The following ARID1B variants were observed in gnomAD, a reference collection of about 807,000 sequenced individuals.
The protein encoded by ARID1B is AT-rich interactive domain-containing protein 1B.
A neutral mutation model predicts 212.3 loss-of-function variants in ARID1B; 30 were observed. The ratio of observed to expected loss-of-function variants is 0.14; its 90% CI spans 0.11 to 0.19. ARID1B has a LOEUF of 0.19. Ranked by LOEUF, ARID1B falls within the 10% of genes least tolerant of loss-of-function variation. The pLI, the probability that ARID1B is intolerant of heterozygous loss-of-function variation, is 1.00. For missense variants in ARID1B, 2,891 were observed against 3,204.0 expected, an observed-to-expected ratio of 0.90 and a Z score of 2.36; for synonymous variants, 1,402 against 1,301.7, an observed-to-expected ratio of 1.08 and a Z score of -1.66.
chr6:157,205,951 A>T, intron 19 of ARID1B: 3 of 592,206 alleles, frequency 5.1e-6, no homozygotes, highest in Non-Finnish European at 9.0e-6. Context: ...AATAAGGAAC[A>T]TGCTAAACAT....
At chr6:157,077,340 CT>C (rs557514655) in intron 4 of ARID1B, among the ~76,000 whole-genome samples, 325 of 152,220 alleles carry the variant, frequency 2.1e-3, no homozygotes, top group African/African-American at 7.0e-3. Flanking sequence ...AATATTAAGA[CT>C]CACTTTCTGG....
chr6:157,145,982 G>T (rs1789695498), intron 7 of ARID1B, among the ~76,000 whole-genome samples: 2 of 152,108 alleles, frequency 1.3e-5, no homozygotes, highest in Admixed American at 6.5e-5. Context: ...TCCTACCTCT[G>T]CTGGAAATCC....
intron 2 of ARID1B, chr6:156,871,711 T>G: frequency 1.3e-6 from 2 of 1,569,806 alleles, no homozygotes; most frequent in Non-Finnish European, 1.7e-6. Context: ...CATATGACAG[T>G]GGGGGCAGCT....
intron 3 of ARID1B, among the ~76,000 whole-genome samples, chr6:156,923,505 A>G (rs960269568): frequency 6.6e-6 from 1 of 152,090 alleles, no homozygotes; most frequent in African/African-American, 2.4e-5. Context: ...TTGGCAGGTT[A>G]CTCAACCTAA....
chr6:156,884,022 G>A (rs1787312820), intron 2 of ARID1B, among the ~76,000 whole-genome samples: 1 of 152,086 alleles, frequency 6.6e-6, no homozygotes, highest in Non-Finnish European at 1.5e-5. Flanking sequence ...AAAAAATATC[G>A]TGCCCTAATG....
chr6:157,004,515 A>G (rs145767554), intron 4 of ARID1B, among the ~76,000 whole-genome samples: 4 of 152,360 alleles, frequency 2.6e-5, no homozygotes, highest in South Asian at 2.1e-4. Flanking sequence ...CACTGGGGCC[A>G]TGGAAGGAGA....
At chr6:157,188,304 G>A (rs897848772) in intron 13 of ARID1B, among the ~76,000 whole-genome samples, 1 of 152,172 alleles carries the variant, frequency 6.6e-6, no homozygotes, top group Non-Finnish European at 1.5e-5. Context: ...TCACAGGGAC[G>A]GATGTTACGC....
chr6:157,042,357 A>T (rs927672551), intron 4 of ARID1B, among the ~76,000 whole-genome samples: 8 of 152,194 alleles, frequency 5.3e-5, no homozygotes, highest in Non-Finnish European at 1.2e-4. Flanking sequence ...TTACCAGTGT[A>T]TTCATTTGCT....
rs777034078 is a variant in ARID1B, at chr6:157,190,268, G to A, written c.4231+58G>A. 2.0e-5 allele frequency: 31 copies of A among 1,529,690 alleles called. No individual in the cohort carries two copies. Among genetic ancestry groups the A allele is most frequent in the African/African-American group, 5.5e-5 (4 of 72,476 alleles). 94.8% of individuals were successfully genotyped at this position (1,529,690 alleles called of 1,614,324 possible). On this transcript the variant is annotated intron_variant, in intron 15 of 19. Transcript: ENST00000636930. The surrounding 1 kb of genome is among the most constrained non-coding windows in gnomAD (Gnocchi z 4.6). ...ACCAGTGGGCATTCTACTCTCTGCC[G>A]TTCCACAACAGTTCACCTTTCACTC...
rs528056635 is a variant in ARID1B at position 156,916,945 on chromosome 6, C to A, written c.2136+15420C>A. On this transcript the variant is annotated intron_variant, in intron 3 of 19. Transcript: ENST00000636930. ...TCAAAGAGAGTTGCCTGGCCGCAGA[C>A]AGGGGGCTGTCTGTCAGTACCCTTT... Among the ~76,000 whole-genome samples the A allele has an allele frequency of 2.8e-4, 42 of 152,282 alleles. No homozygotes were observed. In the South Asian group the frequency reaches 8.1e-3, roughly 29 times the overall value.
intron 7 of ARID1B, among the ~76,000 whole-genome samples, chr6:157,147,394 A>G (rs1293651716): frequency 6.2e-5 from 1 of 16,096 alleles, no homozygotes; most frequent in Non-Finnish European, 9.4e-5. Context: ...CCCGCCTCCG[A>G]CCCTGCCATC....
At chr6:156,855,624 C>T (rs1490654158) in intron 2 of ARID1B, among the ~76,000 whole-genome samples, 1 of 152,150 alleles carries the variant, frequency 6.6e-6, no homozygotes, top group African/African-American at 2.4e-5. Context: ...AATAAGTTAG[C>T]TATATGAAAA....
At chr6:157,122,283 C>T (rs1266028449) in intron 6 of ARID1B, among the ~76,000 whole-genome samples, 2 of 152,120 alleles carry the variant, frequency 1.3e-5, no homozygotes, top group African/African-American at 2.4e-5. Context: ...TGCCATGTAA[C>T]AAGAATGGAT....
intron 5 of ARID1B, among the ~76,000 whole-genome samples, chr6:157,085,185 C>T (rs1004334721): frequency 2.0e-5 from 3 of 152,200 alleles, no homozygotes; most frequent in African/African-American, 7.2e-5. Flanking sequence ...ATCCTCTTAG[C>T]ATATGTTTTG....
At chr6:156,973,126 G>A (rs1777031928) in intron 4 of ARID1B, among the ~76,000 whole-genome samples, 1 of 152,210 alleles carries the variant, frequency 6.6e-6, no homozygotes, top group Admixed American at 6.5e-5. Context: ...GTAGGCACTA[G>A]CTACTTGTGG....
chr6:157,156,609 G>A (rs1790590128), intron 8 of ARID1B, among the ~76,000 whole-genome samples: 1 of 152,150 alleles, frequency 6.6e-6, no homozygotes, highest in African/African-American at 2.4e-5. Context: ...ACCTGGGAGG[G>A]ACCGGAGACC....
intron 4 of ARID1B, chr6:156,937,832 GTATT>G (rs1374338862): frequency 6.6e-6 from 1 of 151,802 alleles, no homozygotes; most frequent in Non-Finnish European, 1.5e-5. Context: ...CTTCCCAAAA[GTATT>G]TAAAGTTGTC....
chr6:157,069,628 A>G (rs763145772), intron 4 of ARID1B, among the ~76,000 whole-genome samples: 1 of 152,184 alleles, frequency 6.6e-6, no homozygotes, highest in Non-Finnish European at 1.5e-5. Context: ...TTGTACCAGT[A>G]ATGTTATGTT....
intron 2 of ARID1B, among the ~76,000 whole-genome samples, chr6:156,900,215 T>C (rs1237464134): frequency 6.6e-6 from 1 of 152,266 alleles, no homozygotes; most frequent in South Asian, 2.1e-4. Flanking sequence ...AATCTCATCC[T>C]CTTTGGTAGA....
Sources: allele counts gnomAD v4.1 joint callset (sites outside exome capture counted in the v4.1 genomes callset), GRCh38; gene constraint gnomAD v4.1.1; non-coding constraint Gnocchi (gnomAD v3.1); transcripts MANE v1.5; gene names NCBI Gene and HGNC (gene_info 2026-07-23, HGNC 2026-07-21).